CNTNAP2: variants seen among roughly 807,000 people sequenced by gnomAD.
CNTNAP2 encodes contactin associated protein 2, also known as contactin-associated protein-like 2.
CNTNAP2 carries 98 observed loss-of-function variants against 155.2 expected under a neutral mutation model. That is an observed-to-expected ratio of 0.63 (90% CI 0.54 to 0.75). The LOEUF is 0.75. Ranked by LOEUF, CNTNAP2 falls within the 30% of genes least tolerant of loss-of-function variation. CNTNAP2 has a pLI of 0.00. For synonymous variants in CNTNAP2, 651 were observed against 631.2 expected (o/e 1.03, Z -0.47); for missense variants, 1,727 against 1,688.1 (o/e 1.02, Z -0.40).
At chr7:147,166,212 T>A (rs1434100879) in intron 8 of CNTNAP2, among the ~76,000 whole-genome samples, 1 of 152,008 alleles carries the variant, frequency 6.6e-6, no homozygotes, top group African/African-American at 2.4e-5. Context: ...CACTCAACCA[T>A]GAAAAGGAAT....
At chr7:148,043,423 T>G (rs1802713417) in intron 15 of CNTNAP2, among the ~76,000 whole-genome samples, 1 of 152,212 alleles carries the variant, frequency 6.6e-6, no homozygotes, top group Non-Finnish European at 1.5e-5. Context: ...TGTCTTTAAT[T>G]TGCTCAGAGC....
chr7:147,905,649 G>A (rs1244447940), intron 14 of CNTNAP2, among the ~76,000 whole-genome samples: 5 of 152,202 alleles, frequency 3.3e-5, no homozygotes, highest in Admixed American at 1.3e-4. Flanking sequence ...TTGGGAGGCC[G>A]AGGCCAGCAG....
At chr7:147,987,193 C>T (rs370864933) in intron 15 of CNTNAP2, among the ~76,000 whole-genome samples, 26 of 152,266 alleles carry the variant, frequency 1.7e-4, no homozygotes, top group African/African-American at 4.6e-4. Context: ...GTAGCTTTTA[C>T]AAGTAGATGG....
intron 1 of CNTNAP2, among the ~76,000 whole-genome samples, chr7:146,418,449 C>T (rs1795967166): frequency 6.6e-6 from 1 of 152,060 alleles, no homozygotes; most frequent in Admixed American, 6.6e-5. Flanking sequence ...ACTTCTTTTG[C>T]AAAGTTTCCC....
intron 20 of CNTNAP2, among the ~76,000 whole-genome samples, chr7:148,263,949 G>A (rs538107094): frequency 7.0e-4 from 107 of 152,204 alleles, no homozygotes; most frequent in African/African-American, 2.4e-3. Context: ...AACAATTCAG[G>A]AAAAGGAAGG....
chr7:146,881,585 T>C (rs1795550921), intron 3 of CNTNAP2, among the ~76,000 whole-genome samples: 1 of 151,976 alleles, frequency 6.6e-6, no homozygotes, highest in African/African-American at 2.4e-5. Flanking sequence ...TATGTTTTGC[T>C]AAAAATGGAT....
intron 2 of CNTNAP2, among the ~76,000 whole-genome samples, chr7:146,833,818 G>C (rs1188614278): frequency 6.6e-6 from 1 of 152,038 alleles, no homozygotes; most frequent in East Asian, 1.9e-4. Flanking sequence ...GTCTGGCCTC[G>C]GCTTCAGCCC....
At chr7:146,794,527 A>G (rs1802733720) in intron 2 of CNTNAP2, among the ~76,000 whole-genome samples, 1 of 152,246 alleles carries the variant, frequency 6.6e-6, no homozygotes, top group Non-Finnish European at 1.5e-5. Flanking sequence ...TCAGTTGTGA[A>G]TAAAAGCCCC....
At chr7:147,369,481 TA>T (rs1363094295) in intron 9 of CNTNAP2, among the ~76,000 whole-genome samples, 1 of 152,234 alleles carries the variant, frequency 6.6e-6, no homozygotes, top group Non-Finnish European at 1.5e-5. Context: ...AATTCTATAG[TA>T]AATCATTTCT....
At chr7:148,163,087 T>C (rs1218444189) in intron 17 of CNTNAP2, among the ~76,000 whole-genome samples, 2 of 152,198 alleles carry the variant, frequency 1.3e-5, no homozygotes, top group African/African-American at 4.8e-5. Context: ...TTTGTATACC[T>C]AAGTACAACA....
Position 146,814,243 on chromosome 7 carries a change from T to A in CNTNAP2, c.209-25468T>A, listed in dbSNP as rs139571433. On this transcript the variant is annotated intron_variant, in intron 2 of 23. Transcript: ENST00000361727. ...AGTTTCTAACAGATCTGGAATTGAA[T>A]CTAGGCTTCTTCCCTAGCCATTTCT... 7.1e-3 allele frequency among the ~76,000 whole-genome samples: 1,085 copies of A among 152,176 alleles called. 19 individuals are homozygous for A. Among genetic ancestry groups the A allele is most frequent in the African/African-American group, 0.025 (1,030 of 41,530 alleles).
At chr7:147,321,458 C>T (rs1795349262) in intron 9 of CNTNAP2, among the ~76,000 whole-genome samples, 1 of 151,972 alleles carries the variant, frequency 6.6e-6, no homozygotes. Context: ...TTTTTTTAAC[C>T]CTTTCAAGCT....
In CNTNAP2 at chr7:146,701,563, A is replaced by G. The variant is rs556353630; in HGVS notation, c.98-72708A>G. Among the ~76,000 whole-genome samples, 4 of 152,274 alleles carry G rather than the reference A, an allele frequency of 2.6e-5. No individual in the cohort carries two copies. The South Asian group carries it at 6.2e-4, about 24-fold the overall frequency. On this transcript the variant is annotated intron_variant, in intron 1 of 23. Coordinates refer to ENST00000361727, the MANE Select transcript of CNTNAP2 (RefSeq NM_014141.6). ...ACTTATAGACAGGGGTATTATTTAG[A>G]GTTTAATACTTGATAGAGGAGATAT...
chr7:147,433,417 G>A (rs960338309), intron 10 of CNTNAP2, among the ~76,000 whole-genome samples: 7 of 152,128 alleles, frequency 4.6e-5, no homozygotes, highest in South Asian at 2.1e-4. Context: ...TGGTCACAGC[G>A]TGTTTGCTTT....
chr7:146,928,384 G>T (rs902979307), intron 3 of CNTNAP2, among the ~76,000 whole-genome samples: 12 of 152,026 alleles, frequency 7.9e-5, no homozygotes, highest in African/African-American at 2.9e-4. Flanking sequence ...TTTTAATGTT[G>T]GTCGTTCTGG....
chr7:146,712,933 C>T (rs1801124006), intron 1 of CNTNAP2, among the ~76,000 whole-genome samples: 1 of 151,822 alleles, frequency 6.6e-6, no homozygotes, highest in South Asian at 2.1e-4. Context: ...AATATACACA[C>T]ATTCCCTTAA....
chr7:146,279,770 A>G (rs1800221006), intron 1 of CNTNAP2, among the ~76,000 whole-genome samples: 1 of 151,926 alleles, frequency 6.6e-6, no homozygotes. Context: ...ATTCAGCAAA[A>G]TTATTTTGCA....
At chr7:146,238,773 A>T (rs1799515095) in intron 1 of CNTNAP2, among the ~76,000 whole-genome samples, 1 of 152,174 alleles carries the variant, frequency 6.6e-6, no homozygotes, top group Non-Finnish European at 1.5e-5. Flanking sequence ...GCCTCAGGAA[A>T]CTTGCAATCA....
chr7:147,128,628 C>G, intron 6 of CNTNAP2, 65 bp from the exon 7 acceptor site: 1 of 1,579,082 alleles, frequency 6.3e-7, no homozygotes, highest in Non-Finnish European at 8.7e-7. Context: ...TCACTGTATT[C>G]ATAGTTTTGT....
Sources: allele counts gnomAD v4.1 joint callset (sites outside exome capture counted in the v4.1 genomes callset), GRCh38; gene constraint gnomAD v4.1.1; transcripts MANE v1.5; gene names NCBI Gene and HGNC (gene_info 2026-07-23, HGNC 2026-07-21).